The following ANKH variants were observed in gnomAD, a reference collection of about 807,000 sequenced individuals.
ANKH encodes ANKH inorganic pyrophosphate transport regulator.
ANKH carries 15 observed loss-of-function variants against 49.0 expected under a neutral mutation model. The ratio of observed to expected loss-of-function variants is 0.31; its 90% confidence interval spans 0.20 to 0.47. The LOEUF (loss-of-function observed/expected upper bound fraction) is 0.47. Among genes scored for constraint, ANKH ranks in the 20% least tolerant of loss-of-function variants. The probability of loss-of-function intolerance (pLI) is 1.00; values close to 1 mark genes in which losing one functional copy is unlikely to be tolerated. For synonymous variants in ANKH, 273 were observed against 260.0 expected (o/e 1.05, Z -0.48); for missense variants, 429 against 652.0 (o/e 0.66, Z 3.72).
At chr5:14,749,423 A>G (rs1738642888) in intron 5 of ANKH, 117 bp from the exon 6 acceptor site, 1 of 1,139,416 alleles carries the variant, frequency 8.8e-7, no homozygotes, top group African/African-American at 1.5e-5. Flanking sequence ...ACTATACTTG[A>G]AAGTAATATA....
At chr5:14,762,045 G>A (rs1246295190) in intron 2 of ANKH, among the ~76,000 whole-genome samples, 5 of 152,026 alleles carry the variant, frequency 3.3e-5, no homozygotes, top group African/African-American at 7.2e-5. Flanking sequence ...GATTATAGGC[G>A]TTAGTCACCG....
chr5:14,744,777 G>A (rs1230707284), intron 7 of ANKH, among the ~76,000 whole-genome samples: 1 of 152,196 alleles, frequency 6.6e-6, no homozygotes, highest in Non-Finnish European at 1.5e-5. Context: ...CGCAGGCCTC[G>A]CCCCTCTCAG....
chr5:14,806,873 A>C lies in ANKH; in HGVS notation c.97-37682T>G, dbSNP rs534165753. Among the ~76,000 whole-genome samples the C allele has an allele frequency of 2.6e-5, 4 of 152,388 alleles. No individual in the cohort carries two copies. In the South Asian group the frequency reaches 8.3e-4, roughly 32 times the overall value. The stretch of plus-strand genomic sequence containing the variant: ...GTCTGCCCTGGAGAATCTCTGCTTC[A>C]GAAAGCCCACTTCATTTTAGGTATA... On this transcript the variant is annotated intron_variant, in intron 1 of 11. Coordinates refer to ENST00000284268, the MANE Select transcript of ANKH (RefSeq NM_054027.6).
intron 3 of ANKH, among the ~76,000 whole-genome samples, chr5:14,756,783 A>G (rs1017526636): frequency 1.3e-4 from 18 of 136,936 alleles, no homozygotes; most frequent in African/African-American, 4.4e-4. Flanking sequence ...CCAAGCTGCC[A>G]GGGGTGAGGG....
chr5:14,797,246 A>G, intron 1 of ANKH: 1 of 1,381,476 alleles, frequency 7.2e-7, no homozygotes, highest in South Asian at 1.2e-5. Flanking sequence ...CTCAAGGTTC[A>G]CTGGGATTCC....
chr5:14,773,157 A>G (rs1179155737), intron 1 of ANKH, among the ~76,000 whole-genome samples: 1 of 152,178 alleles, frequency 6.6e-6, no homozygotes, highest in Non-Finnish European at 1.5e-5. Context: ...TCAGACATCA[A>G]CAATAGCATG....
intron 3 of ANKH, among the ~76,000 whole-genome samples, chr5:14,757,431 T>TC (rs1491137786): frequency 4.7e-4 from 50 of 106,732 alleles, no homozygotes; most frequent in Non-Finnish European, 7.8e-4. Context: ...TATATATATA[T>TC]TTTTTTTTTT....
chr5:14,849,163 G>T (rs1742056716), intron 1 of ANKH, among the ~76,000 whole-genome samples: 1 of 152,182 alleles, frequency 6.6e-6, no homozygotes, highest in South Asian at 2.1e-4. Context: ...CTCAACCTCA[G>T]TCGCTAAGGA....
intron 8 of ANKH, among the ~76,000 whole-genome samples, chr5:14,726,258 T>C (rs1737820076): frequency 6.6e-6 from 1 of 152,202 alleles, no homozygotes; most frequent in Admixed American, 6.5e-5. Context: ...CCATAAGGAA[T>C]GCTGTTTGGC....
At chr5:14,748,269 G>A (rs538994561) in intron 6 of ANKH, among the ~76,000 whole-genome samples, 19 of 152,310 alleles carry the variant, frequency 1.2e-4, no homozygotes, top group South Asian at 1.2e-3. Context: ...AAGAGAAAGC[G>A]TTCTGCTTTT....
intron 11 of ANKH, 53 bp downstream of exon 11, chr5:14,712,821 C>A: frequency 6.6e-7 from 1 of 1,521,600 alleles, no homozygotes; most frequent in East Asian, 2.4e-5. Context: ...CTCAGGTTCT[C>A]CTGCACCCAG....
Position 14,713,807 on chromosome 5 carries a change from T to A in ANKH, c.1142-140A>T. ...TGCTGTTGAGCCGCTGGCCACCTCA[T>A]CTTCCTGCCAGGGTTCCCCATCCCT... On this transcript the variant is annotated intron_variant, in intron 9 of 11. Transcript: ENST00000284268. The surrounding 1 kb of genome is among the most constrained non-coding windows in gnomAD (Gnocchi z 4.4). 8.0e-7 allele frequency: 1 copy of A among 1,245,212 alleles called. No individual in the cohort carries two copies. Among genetic ancestry groups the A allele is most frequent in the Non-Finnish European group, 1.2e-6 (1 of 863,586 alleles). 77.1% of individuals were successfully genotyped at this position (1,245,212 alleles called of 1,614,324 possible).
At chr5:14,788,341 A>G (rs983882705) in intron 1 of ANKH, 3 of 152,214 alleles carry the variant, frequency 2.0e-5, no homozygotes, top group Non-Finnish European at 2.9e-5. Context: ...ACTGTCATGT[A>G]TTTACTCAAA....
chr5:14,747,497 C>T (rs1474611688), intron 6 of ANKH, among the ~76,000 whole-genome samples: 1 of 152,116 alleles, frequency 6.6e-6, no homozygotes, highest in Non-Finnish European at 1.5e-5. Flanking sequence ...GAGATTGAGG[C>T]TGCAGTGAGC....
chr5:14,834,437 C>T (rs1322175517), intron 1 of ANKH, among the ~76,000 whole-genome samples: 2 of 152,126 alleles, frequency 1.3e-5, no homozygotes, highest in African/African-American at 2.4e-5. Context: ...AGAGGAAAAA[C>T]CCATAAATAC....
intron 8 of ANKH, among the ~76,000 whole-genome samples, chr5:14,718,120 A>G (rs1052089620): frequency 1.1e-4 from 16 of 152,182 alleles, no homozygotes; most frequent in Non-Finnish European, 2.4e-4. Context: ...CCTGAAAATT[A>G]GAGTCTCCCA....
chr5:14,812,376 G>T (rs1217688272), intron 1 of ANKH, among the ~76,000 whole-genome samples: 1 of 152,022 alleles, frequency 6.6e-6, no homozygotes, highest in Non-Finnish European at 1.5e-5. Flanking sequence ...TTCACTGAGC[G>T]TTCCCCCTGT....
At chr5:14,753,420 G>C (rs1738783310) in intron 4 of ANKH, among the ~76,000 whole-genome samples, 1 of 152,220 alleles carries the variant, frequency 6.6e-6, no homozygotes, top group Non-Finnish European at 1.5e-5. Flanking sequence ...TTCTCAGAAG[G>C]CTGAGATGAA....
Position 14,745,256 on chromosome 5 carries a change from G to A in ANKH, c.915+614C>T, listed in dbSNP as rs1167449326. Reference sequence around the variant, plus strand: ...AAAGTCTATAGGTTTAAATGATAACGCTATAAAATAGACTTTAATTGAATG... The same window carrying A: ...AAAGTCTATAGGTTTAAATGATAACACTATAAAATAGACTTTAATTGAATG... On this transcript the variant is annotated intron_variant, in intron 7 of 11. Transcript: ENST00000284268. The surrounding 1 kb of genome is among the most constrained non-coding windows in gnomAD (Gnocchi z 4.7). Among the ~76,000 whole-genome samples, 4 of 152,186 alleles carry A rather than the reference G, an allele frequency of 2.6e-5. No individual in the cohort carries two copies. The highest frequency in any genetic ancestry group is 5.9e-5 in the Non-Finnish European group (4 of 68,038).
Sources: gnomAD v4.1 joint callset for allele counts (sites outside exome capture counted in the v4.1 genomes callset) on GRCh38, gnomAD v4.1.1 for gene constraint, Gnocchi (gnomAD v3.1) non-coding constraint, MANE v1.5 for transcripts, NCBI Gene and HGNC (gene_info 2026-07-23, HGNC 2026-07-21) for gene names.